Variants in ADAM9 observed in about 807,000 individuals in gnomAD.
The protein encoded by ADAM9 is disintegrin and metalloproteinase domain-containing protein 9.
Under a neutral mutation model 108.1 loss-of-function variants are expected in ADAM9, and 54 were observed. The ratio of observed to expected loss-of-function variants is 0.50; its 90% CI spans 0.40 to 0.63. The LOEUF (loss-of-function observed/expected upper bound fraction) is 0.63, where lower values mean the gene tolerates loss of function less well. ADAM9 is among the 20% of genes least tolerant of loss of function. The probability of loss-of-function intolerance (pLI) is 0.00; values close to 1 mark genes in which losing one functional copy is unlikely to be tolerated. For synonymous variants in ADAM9, 316 were observed against 336.0 expected (o/e 0.94, Z 0.65); for missense variants, 830 against 997.7 (o/e 0.83, Z 2.26).
chr8:39,038,078 A>C lies in ADAM9; in HGVS notation c.1131-3868A>C, dbSNP rs565773391. ...AACAAAAGCAATCCAACCACTTCTT[A>C]CAGCTCCCACTGTTTCATTTTGGTC... On this transcript the variant is annotated intron_variant, in intron 11 of 21. Coordinates refer to ENST00000487273, the MANE Select transcript of ADAM9 (RefSeq NM_003816.3). Among the ~76,000 whole-genome samples the C allele has an allele frequency of 2.0e-5, 3 of 152,260 alleles. No homozygotes were observed. In the East Asian group the frequency reaches 5.8e-4, roughly 29 times the overall value.
intron 15 of ADAM9, among the ~76,000 whole-genome samples, chr8:39,071,621 C>T (rs1838696814): frequency 6.6e-6 from 1 of 152,122 alleles, no homozygotes; most frequent in South Asian, 2.1e-4. Flanking sequence ...CATGTGCCAC[C>T]ACGCCCAGCT....
chr8:39,068,675 C>CAAAAAAAAAAAAAAAAAAAAAAA (rs562274321), intron 14 of ADAM9, among the ~76,000 whole-genome samples: 1 of 42,010 alleles, frequency 2.4e-5, no homozygotes, highest in African/African-American at 7.3e-5. Flanking sequence ...AACTTCTCCT[C>CAAAAAAAAAAAAAAAAAAAAAAA]AAAAAAAAAA....
chr8:39,085,545 G>T (rs1347082562), intron 18 of ADAM9, among the ~76,000 whole-genome samples: 1 of 152,010 alleles, frequency 6.6e-6, no homozygotes, highest in Non-Finnish European at 1.5e-5. Flanking sequence ...GCTTTTGTAT[G>T]TCTGAAAAAG....
chr8:39,007,904 ATCTT>A lies in ADAM9; in HGVS notation c.121_124del (p.Ser41LeufsTer5), dbSNP rs1836215649. 1.2e-6 allele frequency: 2 copies of A among 1,612,136 alleles called. No individual in the cohort carries two copies. Among genetic ancestry groups the A allele is most frequent in the Non-Finnish European group, 8.5e-7 (1 of 1,178,974 alleles). On this transcript the variant is annotated frameshift_variant, in exon 2 of 22. Coordinates refer to ENST00000487273, the MANE Select transcript of ADAM9 (RefSeq NM_003816.3). LOFTEE classifies it high-confidence loss of function. ...TCTGTAGGCTTTCAACAGACCTCAC[ATCTT>A]TCTTCTTATGAAATTATAACTCCTT...
At chr8:38,999,960 A>T (rs1835944286) in intron 1 of ADAM9, among the ~76,000 whole-genome samples, 1 of 151,760 alleles carries the variant, frequency 6.6e-6, no homozygotes, top group Non-Finnish European at 1.5e-5. Context: ...CATCCTTTTG[A>T]GTCAGCGCTA....
intron 12 of ADAM9, among the ~76,000 whole-genome samples, chr8:39,045,031 T>C (rs36143271): frequency 0.14 from 10,369 of 74,550 alleles, 1,237 homozygotes; most frequent in South Asian, 0.19. Context: ...TGTGTGTGCA[T>C]ACATACATAT....
intron 20 of ADAM9, among the ~76,000 whole-genome samples, chr8:39,095,654 T>A (rs1588434555): frequency 6.6e-6 from 1 of 152,320 alleles, no homozygotes; most frequent in East Asian, 1.9e-4. Context: ...TAAAGTCTAG[T>A]TTGAGCCAAA....
rs1564301581 is a variant in ADAM9 at position 39,045,411 on chromosome 8, C to CGTGTGTGTACACACACCTATATGT, written c.1302+3295_1302+3296insTGTGTGTACACACACCTATATGTG. Among the ~76,000 whole-genome samples, 3 of 20,742 alleles carry CGTGTGTGTACACACACCTATATGT rather than the reference C, an allele frequency of 1.4e-4. 1 individual carries two copies. The East Asian group carries it at 7.0e-3, about 49-fold the overall frequency. The allele number at this position is 20,742 out of a possible 152,430, so 13.6% of individuals were successfully genotyped here. On this transcript the variant is annotated intron_variant, in intron 12 of 21. Coordinates refer to ENST00000487273, the MANE Select transcript of ADAM9 (RefSeq NM_003816.3). ...GTGTGTGTACACACACCTATATGTG[C>CGTGTGTGTACACACACCTATATGT]GCGTGTGTACACACACCTATATGTG...
At chr8:39,058,884 T>C (rs903091872) in intron 14 of ADAM9, among the ~76,000 whole-genome samples, 1 of 152,212 alleles carries the variant, frequency 6.6e-6, no homozygotes, top group Non-Finnish European at 1.5e-5. Context: ...ACGTGAATCC[T>C]GGTTATGGGA....
chr8:39,009,827 A>G (rs1588327037), intron 2 of ADAM9, among the ~76,000 whole-genome samples: 1 of 151,486 alleles, frequency 6.6e-6, no homozygotes, highest in Non-Finnish European at 1.5e-5. Context: ...GCAGTGAACA[A>G]AACAGACAAA....
intron 12 of ADAM9, among the ~76,000 whole-genome samples, chr8:39,045,008 A>G (rs1204190617): frequency 9.3e-6 from 1 of 107,740 alleles, no homozygotes; most frequent in Non-Finnish European, 1.9e-5. Flanking sequence ...ACACATACCT[A>G]TGTATGTGTA....
At chr8:39,033,900 T>G (rs1374379222) in intron 11 of ADAM9, among the ~76,000 whole-genome samples, 1 of 152,242 alleles carries the variant, frequency 6.6e-6, no homozygotes, top group Non-Finnish European at 1.5e-5. Flanking sequence ...GATGTTCCAA[T>G]TACCCTGATT....
intron 16 of ADAM9, among the ~76,000 whole-genome samples, chr8:39,078,417 C>T (rs1417783603): frequency 1.3e-5 from 2 of 149,476 alleles, no homozygotes; most frequent in African/African-American, 5.0e-5. Flanking sequence ...AACTCTCTGA[C>T]ATGCTCTTAT....
intron 7 of ADAM9, among the ~76,000 whole-genome samples, chr8:39,020,018 G>A (rs2129433543): frequency 6.6e-6 from 1 of 152,346 alleles, no homozygotes; most frequent in African/African-American, 2.4e-5. Context: ...GGGCGCAGTG[G>A]CTCACGCCTG....
At chr8:39,070,552 A>G (rs1838650486) in intron 14 of ADAM9, among the ~76,000 whole-genome samples, 1 of 152,116 alleles carries the variant, frequency 6.6e-6, no homozygotes, top group Non-Finnish European at 1.5e-5. Context: ...AAAAATATGC[A>G]TTTTGCAACA....
chr8:39,034,520 T>C (rs954229624), intron 11 of ADAM9, among the ~76,000 whole-genome samples: 1 of 152,258 alleles, frequency 6.6e-6, no homozygotes, highest in Non-Finnish European at 1.5e-5. Flanking sequence ...CATTTTTCAG[T>C]CTGATCAAAG....
At chr8:39,026,346 T>G (rs1836921143) in intron 10 of ADAM9, among the ~76,000 whole-genome samples, 1 of 152,186 alleles carries the variant, frequency 6.6e-6, no homozygotes, top group Non-Finnish European at 1.5e-5. Context: ...TGAGTGTAGC[T>G]CTTTACTTTT....
At chr8:39,069,660 A>T (rs1838612980) in intron 14 of ADAM9, among the ~76,000 whole-genome samples, 1 of 152,168 alleles carries the variant, frequency 6.6e-6, no homozygotes, top group South Asian at 2.1e-4. Context: ...ATCCACCGTG[A>T]GCATGGTGAG....
At chr8:39,002,524 T>C (rs1836032072) in intron 1 of ADAM9, among the ~76,000 whole-genome samples, 1 of 151,832 alleles carries the variant, frequency 6.6e-6, no homozygotes, top group African/African-American at 2.4e-5. Context: ...GGTTTCACCA[T>C]ATTGGCCAGG....
Sources: allele counts gnomAD v4.1 joint callset (sites outside exome capture counted in the v4.1 genomes callset), GRCh38; gene constraint gnomAD v4.1.1; transcripts MANE v1.5; gene names NCBI Gene and HGNC (gene_info 2026-07-23, HGNC 2026-07-21).